The following SUSD4 variants were observed in gnomAD, a reference collection of about 807,000 sequenced individuals.
SUSD4 encodes sushi domain-containing protein 4.
A neutral mutation model predicts 50.5 loss-of-function variants in SUSD4; 41 were observed. The ratio of observed to expected loss-of-function variants is 0.81; its 90% CI spans 0.63 to 1.05. SUSD4 has a LOEUF of 1.05. Among genes scored for constraint, SUSD4 ranks in the 50% least tolerant of loss-of-function variants. The probability of loss-of-function intolerance (pLI) is 0.00; values close to 1 mark genes in which losing one functional copy is unlikely to be tolerated. For missense variants in SUSD4, 580 were observed against 634.7 expected, an observed-to-expected ratio of 0.91 and a Z score of 0.93; for synonymous variants, 257 against 257.3, an observed-to-expected ratio of 1.00 and a Z score of 0.01.
At chr1:223,268,414 T>A in intron 4 of SUSD4, 88 bp downstream of exon 4, 2 of 1,481,602 alleles carry the variant, frequency 1.3e-6, no homozygotes, top group South Asian at 2.8e-5. Context: ...ATCATCTCTA[T>A]CACTTTATTA....
At chr1:223,342,266 G>A (rs1667801371) in intron 2 of SUSD4, among the ~76,000 whole-genome samples, 1 of 152,076 alleles carries the variant, frequency 6.6e-6, no homozygotes, top group Non-Finnish European at 1.5e-5. Context: ...ATGTCCTCAG[G>A]GCTGATGTTG....
At chr1:223,291,996 T>C (rs1664520940) in intron 3 of SUSD4, among the ~76,000 whole-genome samples, 1 of 152,218 alleles carries the variant, frequency 6.6e-6, no homozygotes, top group Non-Finnish European at 1.5e-5. Context: ...TTTTCCTAAA[T>C]GCATCACATC....
rs529768043 is a variant in SUSD4, at chr1:223,261,825, G to A, written c.724+2805C>T. ...AGTGCATTAATAACAACAGACAAGT[G>A]ATTGACCACATACTATGGGCTGGGC... is the stretch of plus-strand genomic sequence containing the variant. On this transcript the variant is annotated intron_variant, in intron 5 of 8. Coordinates refer to ENST00000366878, the MANE Select transcript of SUSD4 (RefSeq NM_017982.4). 7.9e-5 allele frequency among the ~76,000 whole-genome samples: 12 copies of A among 152,310 alleles called. No homozygotes were observed. The South Asian group carries it at 1.0e-3, about 13-fold the overall frequency.
At chr1:223,292,099 C>T (rs927560446) in intron 3 of SUSD4, among the ~76,000 whole-genome samples, 1 of 152,184 alleles carries the variant, frequency 6.6e-6, no homozygotes, top group African/African-American at 2.4e-5. Context: ...AGTATATTTA[C>T]TGCACATTTT....
intron 2 of SUSD4, among the ~76,000 whole-genome samples, chr1:223,307,250 T>C (rs1369003512): frequency 6.6e-6 from 1 of 152,218 alleles, no homozygotes; most frequent in African/African-American, 2.4e-5. Context: ...AACATGCCTA[T>C]GGCTATTTGT....
At chr1:223,245,920 A>G (rs1660895283) in intron 5 of SUSD4, among the ~76,000 whole-genome samples, 1 of 152,050 alleles carries the variant, frequency 6.6e-6, no homozygotes, top group African/African-American at 2.4e-5. Context: ...TGTTGGGTTT[A>G]TTTGTTTCAT....
intron 2 of SUSD4, among the ~76,000 whole-genome samples, chr1:223,354,364 G>T (rs886089139): frequency 3.3e-5 from 5 of 150,674 alleles, no homozygotes; most frequent in Non-Finnish European, 7.4e-5. Flanking sequence ...AGAACACCTC[G>T]CATCCACAAA....
intron 2 of SUSD4, among the ~76,000 whole-genome samples, chr1:223,322,885 A>C (rs1387649983): frequency 6.6e-6 from 1 of 152,208 alleles, no homozygotes; most frequent in Non-Finnish European, 1.5e-5. Flanking sequence ...TCATTCCCTT[A>C]TAATCATGCT....
intron 2 of SUSD4, among the ~76,000 whole-genome samples, chr1:223,342,700 C>A (rs1165938343): frequency 6.6e-6 from 1 of 152,204 alleles, no homozygotes; most frequent in Admixed American, 6.5e-5. Flanking sequence ...GGCTAACCAT[C>A]TGGATAAAAA....
At position 223,229,058 on chromosome 1, in the gene SUSD4, G is replaced by T. The variant is rs900520000; in HGVS notation, c.916+139C>A. On this transcript the variant is annotated intron_variant, in intron 6 of 8. Transcript: ENST00000366878. This position sits in a 1 kb window ranked among gnomAD's most constrained non-coding sequence, Gnocchi z 4.7. ...AGCCCAACAGCAGCCCCATCGACCCGCAATGATATGTTTCGATATCCTGTT... is the reference window on the plus strand; with the variant it reads ...AGCCCAACAGCAGCCCCATCGACCCTCAATGATATGTTTCGATATCCTGTT... The T allele has an allele frequency of 6.8e-6, 6 of 876,850 alleles. No homozygotes were observed. The Admixed American group carries it at 7.2e-5, about 10-fold the overall frequency. 54.3% of individuals were successfully genotyped at this position (876,850 alleles called of 1,614,324 possible). A position where few individuals can be genotyped will look rare whatever the true frequency, so the allele number is the denominator to read the frequency against.
At chr1:223,247,552 G>A (rs1194851462) in intron 5 of SUSD4, among the ~76,000 whole-genome samples, 1 of 152,186 alleles carries the variant, frequency 6.6e-6, no homozygotes, top group Non-Finnish European at 1.5e-5. Context: ...TATACAGTTG[G>A]TATAAGGAAG....
chr1:223,259,734 T>G (rs1478867560), intron 5 of SUSD4, among the ~76,000 whole-genome samples: 1 of 152,162 alleles, frequency 6.6e-6, no homozygotes, highest in East Asian at 1.9e-4. Context: ...GGGCAGTTAG[T>G]GCCTCTTCTT....
chr1:223,359,801 T>C (rs1212913055), intron 2 of SUSD4, among the ~76,000 whole-genome samples: 2 of 152,052 alleles, frequency 1.3e-5, no homozygotes, highest in African/African-American at 2.4e-5. Context: ...ACTAGGGAAA[T>C]ATGAGAGAAG....
At chr1:223,255,161 C>A (rs919637635) in intron 5 of SUSD4, among the ~76,000 whole-genome samples, 6 of 152,148 alleles carry the variant, frequency 3.9e-5, no homozygotes, top group African/African-American at 1.2e-4. Flanking sequence ...TTGTTTCAGA[C>A]AGGGAGAAAC....
intron 5 of SUSD4, chr1:223,235,141 A>G: frequency 1.3e-6 from 2 of 1,538,870 alleles, no homozygotes; most frequent in South Asian, 1.3e-5. Context: ...TAAGAAGACT[A>G]TTTCTCTTGA....
chr1:223,298,352 C>G (rs1269679129), intron 2 of SUSD4, among the ~76,000 whole-genome samples: 1 of 152,174 alleles, frequency 6.6e-6, no homozygotes, highest in Non-Finnish European at 1.5e-5. Flanking sequence ...GACACACTCT[C>G]TCCTAACACC....
At position 223,231,476 on chromosome 1, in the gene SUSD4, C is replaced by T. The variant is rs1659894790; in HGVS notation, c.725-2088G>A. 6.6e-6 allele frequency among the ~76,000 whole-genome samples: 1 copy of T among 152,186 alleles called. No homozygotes were observed. On this transcript the variant is annotated intron_variant, in intron 5 of 8. Transcript: ENST00000366878. The surrounding 1 kb of genome is among the most constrained non-coding windows in gnomAD (Gnocchi z 4.2). ...TGAGGCCCAGGAGCTTTCTGCTGCT[C>T]TGCCTCAGGGTCTCTCCTGGGCTGG...
At chr1:223,363,164 G>A in intron 2 of SUSD4, 114 bp downstream of exon 2, 1 of 1,243,332 alleles carries the variant, frequency 8.0e-7, no homozygotes. Flanking sequence ...CGCGTTGTCA[G>A]ATCCTCCTGA....
chr1:223,270,630 C>T (rs553189946), intron 3 of SUSD4, among the ~76,000 whole-genome samples: 1 of 152,232 alleles, frequency 6.6e-6, no homozygotes, highest in Admixed American at 6.5e-5. Flanking sequence ...AGTGCAGTGG[C>T]ATAATCTCAG....
Sources: gnomAD v4.1 joint callset for allele counts (sites outside exome capture counted in the v4.1 genomes callset) on GRCh38, gnomAD v4.1.1 for gene constraint, Gnocchi (gnomAD v3.1) non-coding constraint, MANE v1.5 for transcripts, NCBI Gene and HGNC (gene_info 2026-07-23, HGNC 2026-07-21) for gene names.